The following GRM1 variants were observed in gnomAD, a reference collection of about 807,000 sequenced individuals.
The protein encoded by GRM1 is metabotropic glutamate receptor 1.
A neutral mutation model predicts 90.9 loss-of-function variants in GRM1; 33 were observed. That is an observed-to-expected ratio of 0.36 (90% CI 0.28 to 0.49). The LOEUF (loss-of-function observed/expected upper bound fraction) is 0.49, where lower values mean the gene tolerates loss of function less well. Ranked by LOEUF, GRM1 falls within the 20% of genes least tolerant of loss-of-function variation. The pLI is 0.99. For synonymous variants in GRM1, 700 were observed against 613.2 expected, an observed-to-expected ratio of 1.14 and a Z score of -2.09; for missense variants, 1,190 against 1,534.3, an observed-to-expected ratio of 0.78 and a Z score of 3.75.
intron 6 of GRM1, among the ~76,000 whole-genome samples, chr6:146,387,609 G>A (rs914555494): frequency 1.3e-5 from 2 of 152,032 alleles, no homozygotes; most frequent in Non-Finnish European, 2.9e-5. Context: ...GAAGATGAAA[G>A]GAATTTCAGG....
At chr6:146,304,228 A>G (rs534584508) in intron 2 of GRM1, among the ~76,000 whole-genome samples, 1 of 152,228 alleles carries the variant, frequency 6.6e-6, no homozygotes, top group Admixed American at 6.5e-5. Flanking sequence ...CTTATTTTGA[A>G]GGTCAGCCTC....
intron 3 of GRM1, among the ~76,000 whole-genome samples, chr6:146,332,180 A>G (rs1253705269): frequency 6.6e-6 from 1 of 152,118 alleles, no homozygotes; most frequent in African/African-American, 2.4e-5. Flanking sequence ...GAGTTGTTTT[A>G]GTTTTCTCTG....
At chr6:146,425,618 T>G (rs1778172182) in intron 7 of GRM1, among the ~76,000 whole-genome samples, 1 of 152,228 alleles carries the variant, frequency 6.6e-6, no homozygotes, top group Non-Finnish European at 1.5e-5. Context: ...AACTGCATCA[T>G]GGCCAGAGTC....
chr6:146,083,645 T>C (rs1008791002), intron 1 of GRM1, among the ~76,000 whole-genome samples: 4 of 152,216 alleles, frequency 2.6e-5, no homozygotes, highest in Non-Finnish European at 5.9e-5. Flanking sequence ...CAGTATTTTA[T>C]TGAGGGTTTT....
chr6:146,268,708 T>C (rs1236406682), intron 2 of GRM1, among the ~76,000 whole-genome samples: 1 of 152,230 alleles, frequency 6.6e-6, no homozygotes, highest in Non-Finnish European at 1.5e-5. Context: ...GATATGACCT[T>C]TCTGACCTTG....
chr6:146,054,438 T>C (rs1775408827), intron 1 of GRM1, among the ~76,000 whole-genome samples: 1 of 152,058 alleles, frequency 6.6e-6, no homozygotes, highest in Non-Finnish European at 1.5e-5. Flanking sequence ...TCTATGGAGG[T>C]AGCAAGCTGT....
intron 2 of GRM1, among the ~76,000 whole-genome samples, chr6:146,290,043 C>T (rs187096664): frequency 6.6e-6 from 1 of 152,326 alleles, no homozygotes; most frequent in East Asian, 1.9e-4. Flanking sequence ...AATGCTCAGC[C>T]TGTCCAGATT....
At chr6:146,205,924 G>A (rs978362427) in intron 2 of GRM1, among the ~76,000 whole-genome samples, 12 of 152,164 alleles carry the variant, frequency 7.9e-5, no homozygotes, top group African/African-American at 2.9e-4. Context: ...GGCTCTCCCA[G>A]GGAGGCGGGA....
chr6:146,142,465 G>A (rs1460676693), intron 1 of GRM1, among the ~76,000 whole-genome samples: 1 of 152,148 alleles, frequency 6.6e-6, no homozygotes, highest in Admixed American at 6.5e-5. Flanking sequence ...AAGTCAGGCT[G>A]TGTCCTTCCC....
chr6:146,105,573 G>GA (rs1371785895), intron 1 of GRM1, among the ~76,000 whole-genome samples: 1 of 150,746 alleles, frequency 6.6e-6, no homozygotes, highest in Admixed American at 6.6e-5. Flanking sequence ...GGGACTGCTT[G>GA]AAAAAAAAGA....
At chr6:146,267,992 A>G (rs1176566050) in intron 2 of GRM1, among the ~76,000 whole-genome samples, 1 of 152,140 alleles carries the variant, frequency 6.6e-6, no homozygotes, top group African/African-American at 2.4e-5. Flanking sequence ...TTCTGCCTCT[A>G]GGTCTTTCAG....
At chr6:146,370,972 T>C (rs1431957693) in intron 5 of GRM1, among the ~76,000 whole-genome samples, 2 of 152,130 alleles carry the variant, frequency 1.3e-5, no homozygotes, top group African/African-American at 4.8e-5. Context: ...TAGTCCTACA[T>C]TGTATGATAT....
rs139596147 is a variant in GRM1 at position 146,334,176 on chromosome 6, A to T, written c.1187-18074A>T. ...GCAGAACTCCAAGGGCACCATTATC[A>T]TCATGTTCTTTGTCAATGACATCCA... On this transcript the variant is annotated intron_variant, in intron 3 of 7. Coordinates refer to ENST00000282753, the MANE Select transcript of GRM1 (RefSeq NM_001278064.2). Among the ~76,000 whole-genome samples, 1,183 of 152,220 alleles carry T rather than the reference A, an allele frequency of 7.8e-3. 17 individuals carry two copies. The highest frequency in any genetic ancestry group is 0.027 in the African/African-American group (1,133 of 41,536).
intron 2 of GRM1, among the ~76,000 whole-genome samples, chr6:146,205,323 T>G (rs1779459172): frequency 6.6e-6 from 1 of 152,190 alleles, no homozygotes. Context: ...ATAATGTTCA[T>G]TTTATGGAAA....
chr6:146,320,828 A>C (rs1330225110), intron 3 of GRM1, among the ~76,000 whole-genome samples: 1 of 151,756 alleles, frequency 6.6e-6, no homozygotes, highest in African/African-American at 2.4e-5. Context: ...CCTTTCTCAT[A>C]TTTTATTGTG....
chr6:146,130,550 T>C (rs1269911820), intron 1 of GRM1, among the ~76,000 whole-genome samples: 1 of 152,156 alleles, frequency 6.6e-6, no homozygotes. Context: ...AAGAAAACTT[T>C]ATGATATGCT....
rs1776854413 is a variant in GRM1, at chr6:146,140,897, G to A, written c.701-18451G>A. 2.0e-5 allele frequency among the ~76,000 whole-genome samples: 3 copies of A among 152,126 alleles called. No individual in the cohort carries two copies. The South Asian group carries it at 6.2e-4, about 32-fold the overall frequency. On this transcript the variant is annotated intron_variant, in intron 1 of 7. Transcript: ENST00000282753. ...CTTTTAGTCTTTCTACCTAAGATGT[G>A]AGTCGTTTACACACCACCATTACAG...
intron 7 of GRM1, among the ~76,000 whole-genome samples, chr6:146,419,025 T>A (rs1777891136): frequency 6.6e-6 from 1 of 152,122 alleles, no homozygotes; most frequent in South Asian, 2.1e-4. Flanking sequence ...AGAATTAACA[T>A]TAATAACATA....
intron 5 of GRM1, among the ~76,000 whole-genome samples, chr6:146,373,065 T>G (rs1047153167): frequency 1.3e-5 from 2 of 152,168 alleles, no homozygotes; most frequent in African/African-American, 4.8e-5. Flanking sequence ...AGCATGGGCA[T>G]TTTAACGATA....
Sources: gnomAD v4.1 joint callset for allele counts (sites outside exome capture counted in the v4.1 genomes callset) on GRCh38, gnomAD v4.1.1 for gene constraint, MANE v1.5 for transcripts, NCBI Gene and HGNC (gene_info 2026-07-23, HGNC 2026-07-21) for gene names.